The following CSMD1 variants were observed in gnomAD, a reference collection of about 807,000 sequenced individuals.
CSMD1 encodes the protein CUB and Sushi multiple domains 1, also known as CUB and sushi domain-containing protein 1.
Under a neutral mutation model 417.5 loss-of-function variants are expected in CSMD1, and 213 were observed. The ratio of observed to expected loss-of-function variants is 0.51; its 90% CI spans 0.46 to 0.57. CSMD1 has a LOEUF of 0.57. Ranked by LOEUF, CSMD1 falls within the 20% of genes least tolerant of loss-of-function variation. The pLI, the probability that CSMD1 is intolerant of heterozygous loss-of-function variation, is 0.00. For missense variants in CSMD1, 6,923 were observed against 4,529.7 expected (o/e 1.53, Z -15.17); for synonymous variants, 2,862 against 1,736.8 (o/e 1.65, Z -16.11).
intron 3 of CSMD1, among the ~76,000 whole-genome samples, chr8:4,207,408 T>C (rs534150778): frequency 6.6e-6 from 1 of 152,126 alleles, no homozygotes; most frequent in Non-Finnish European, 1.5e-5. Context: ...AATAAGCAAA[T>C]CATATTTTGT....
intron 3 of CSMD1, among the ~76,000 whole-genome samples, chr8:4,290,252 G>T (rs1321201567): frequency 1.3e-5 from 2 of 152,148 alleles, no homozygotes; most frequent in African/African-American, 2.4e-5. Flanking sequence ...TAGGCCCGAG[G>T]GTGATGTTTG....
intron 2 of CSMD1, among the ~76,000 whole-genome samples, chr8:4,503,167 G>C (rs895357493): frequency 1.3e-5 from 2 of 152,110 alleles, no homozygotes; most frequent in African/African-American, 2.4e-5. Flanking sequence ...TTAATATATA[G>C]TCTCTCTTAT....
chr8:3,297,756 C>G (rs1010316226), intron 25 of CSMD1, among the ~76,000 whole-genome samples: 1 of 152,098 alleles, frequency 6.6e-6, no homozygotes, highest in African/African-American at 2.4e-5. Flanking sequence ...AGCTAGCAAT[C>G]TGGACACAAA....
At position 3,188,929 on chromosome 8, in the gene CSMD1, G is replaced by C. The variant is rs752726176; in HGVS notation, c.5481C>G (p.Asn1827Lys). 1.9e-6 allele frequency: 3 copies of C among 1,608,638 alleles called. No homozygotes were observed. In the South Asian group the frequency reaches 3.3e-5, roughly 18 times the overall value. ...CCGTAACTATGATCTTCCATATACAGTTCAAGTTGTTTCCGTATGGCTCAG... is the reference window on the plus strand; with the variant it reads ...CCGTAACTATGATCTTCCATATACACTTCAAGTTGTTTCCGTATGGCTCAG... ...GYPEPYGNNL[N>K]CIWKIIVTEG... Residue 1827 changes from asparagine to lysine, a missense_variant, in exon 35 of 70, where the codon AAC (asparagine) becomes AAG (lysine). Coordinates refer to ENST00000635120, the MANE Select transcript of CSMD1 (RefSeq NM_033225.6).
At chr8:2,952,035 G>A (rs575668431) in intron 65 of CSMD1, among the ~76,000 whole-genome samples, 6 of 152,052 alleles carry the variant, frequency 3.9e-5, no homozygotes, top group Middle Eastern at 3.4e-3. Flanking sequence ...TTGTTTTCAC[G>A]GCTTAAGAAA....
intron 7 of CSMD1, among the ~76,000 whole-genome samples, chr8:3,679,306 C>T (rs142224894): frequency 0.019 from 2,910 of 152,140 alleles, 96 homozygotes; most frequent in African/African-American, 0.066. Context: ...TGTGCAGAGA[C>T]ACACATAGGC....
chr8:3,224,044 C>A (rs962709204), intron 27 of CSMD1, among the ~76,000 whole-genome samples, 177 bp from the exon 28 acceptor site: 1 of 152,190 alleles, frequency 6.6e-6, no homozygotes, highest in Non-Finnish European at 1.5e-5. Flanking sequence ...CCCAGGAACT[C>A]TGTACATTTT....
At chr8:3,277,391 G>A (rs533441363) in intron 26 of CSMD1, among the ~76,000 whole-genome samples, 110 of 152,288 alleles carry the variant, frequency 7.2e-4, no homozygotes, top group African/African-American at 2.6e-3. Flanking sequence ...AAGGAAGCCC[G>A]TGAGCAAGGC....
At chr8:3,182,687 G>GTGTGTC (rs1327908940) in intron 36 of CSMD1, among the ~76,000 whole-genome samples, 2 of 125,922 alleles carry the variant, frequency 1.6e-5, no homozygotes, top group African/African-American at 5.7e-5. Context: ...GTGTGTGTGT[G>GTGTGTC]TGTGTGTATG....
intron 25 of CSMD1, among the ~76,000 whole-genome samples, chr8:3,293,496 C>G (rs921653383): frequency 1.1e-4 from 16 of 152,270 alleles, no homozygotes; most frequent in African/African-American, 3.9e-4. Flanking sequence ...TTCACATAGT[C>G]CCATATTTCT....
intron 1 of CSMD1, among the ~76,000 whole-genome samples, chr8:4,722,812 C>A (rs1372169297): frequency 6.6e-6 from 1 of 152,202 alleles, no homozygotes; most frequent in African/African-American, 2.4e-5. Flanking sequence ...TTTCTTCTAC[C>A]TCTTAACAAA....
intron 2 of CSMD1, among the ~76,000 whole-genome samples, chr8:4,507,586 T>G (rs554103678): frequency 6.6e-6 from 1 of 152,290 alleles, no homozygotes; most frequent in Admixed American, 6.5e-5. Context: ...CATAGTGGCT[T>G]ATATAATGGG....
At chr8:3,959,158 G>C (rs959266959) in intron 5 of CSMD1, among the ~76,000 whole-genome samples, 1 of 152,184 alleles carries the variant, frequency 6.6e-6, no homozygotes, top group African/African-American at 2.4e-5. Context: ...CATAATTTGA[G>C]TATAAGAAGT....
At chr8:3,985,855 C>G (rs1434904534) in intron 5 of CSMD1, among the ~76,000 whole-genome samples, 3 of 151,102 alleles carry the variant, frequency 2.0e-5, no homozygotes, top group Admixed American at 6.6e-5. Flanking sequence ...CTAGGTCTGT[C>G]TGAGCATCAG....
chr8:4,825,266 G>A (rs922772386), intron 1 of CSMD1, among the ~76,000 whole-genome samples: 3 of 152,038 alleles, frequency 2.0e-5, no homozygotes, highest in Non-Finnish European at 2.9e-5. Flanking sequence ...ATACACCCAT[G>A]ACACAATCAC....
At chr8:3,698,028 G>A (rs1471104705) in intron 7 of CSMD1, among the ~76,000 whole-genome samples, 1 of 150,894 alleles carries the variant, frequency 6.6e-6, no homozygotes, top group Non-Finnish European at 1.5e-5. Flanking sequence ...ATTGTTTTAT[G>A]TATTTTAATA....
intron 3 of CSMD1, among the ~76,000 whole-genome samples, chr8:4,113,950 A>G (rs1238308312): frequency 6.6e-6 from 1 of 152,246 alleles, no homozygotes; most frequent in Non-Finnish European, 1.5e-5. Context: ...AAAAGAAGCC[A>G]TCTCCATAAT....
chr8:3,893,122 C>T (rs990066711), intron 5 of CSMD1, among the ~76,000 whole-genome samples: 1 of 151,692 alleles, frequency 6.6e-6, no homozygotes, highest in Non-Finnish European at 1.5e-5. Flanking sequence ...ATGACAAAAT[C>T]ATCCTCACAC....
At position 3,850,926 on chromosome 8, in the gene CSMD1, A is replaced by G. The variant is rs565730215; in HGVS notation, c.819-96884T>C. Among the ~76,000 whole-genome samples the G allele has an allele frequency of 1.1e-4, 17 of 152,310 alleles. No individual in the cohort carries two copies. In the South Asian group the frequency reaches 3.3e-3, roughly 30 times the overall value. On this transcript the variant is annotated intron_variant, in intron 5 of 69. Transcript: ENST00000635120. Reference sequence around the variant, plus strand: ...AGTTTAAAGTTTTCTAATTTAAAAGAAATAAGAATTACTTCTTTTAACTTG... The same window carrying G: ...AGTTTAAAGTTTTCTAATTTAAAAGGAATAAGAATTACTTCTTTTAACTTG...
Sources: gnomAD v4.1 joint callset for allele counts (sites outside exome capture counted in the v4.1 genomes callset) on GRCh38, gnomAD v4.1.1 for gene constraint, MANE v1.5 for transcripts, NCBI Gene and HGNC (gene_info 2026-07-23, HGNC 2026-07-21) for gene names.